REM1: variants seen among roughly 807,000 people sequenced by gnomAD.
REM1 encodes the protein GTP-binding protein REM 1.
Under a neutral mutation model 27.0 loss-of-function variants are expected in REM1, and 20 were observed. That is an observed-to-expected ratio of 0.74 (90% CI 0.52 to 1.08). The LOEUF (loss-of-function observed/expected upper bound fraction) is 1.08, where lower values mean the gene tolerates loss of function less well. REM1 is among the 50% of genes least tolerant of loss of function. The pLI, the probability that REM1 is intolerant of heterozygous loss-of-function variation, is 0.00. For missense variants in REM1, 405 were observed against 407.0 expected (o/e 1.00, Z 0.04); for synonymous variants, 159 against 167.9 (o/e 0.95, Z 0.41).
Position 31,484,285 on chromosome 20 carries a change from C to T in REM1, c.752C>T (p.Ala251Val). 2 of 1,590,426 alleles carry T rather than the reference C, an allele frequency of 1.3e-6. No individual in the cohort carries two copies. The highest frequency in any genetic ancestry group is 1.1e-5 in the South Asian group (1 of 87,952). ...RQLRLRRRDS[A>V]AKEPPAPRRP... ...CTGCGCTTGCGCCGCCGGGACAGTGCGGCCAAGGAACCCCCAGCACCCCGA... is the reference window on the plus strand; with the variant it reads ...CTGCGCTTGCGCCGCCGGGACAGTGTGGCCAAGGAACCCCCAGCACCCCGA... The change falls in exon 5 of 5, where the codon GCG becomes GTG. Residue 251 changes from alanine to valine, a missense_variant. By Grantham distance (64) the Ala-to-Val change is moderately conservative. Transcript: ENST00000201979.
chr20:31,482,315 T>C lies in REM1; in HGVS notation c.452T>C (p.Leu151Pro). 4 of 1,614,146 alleles carry C rather than the reference T, an allele frequency of 2.5e-6. No homozygotes were observed. The highest frequency in any genetic ancestry group is 3.4e-6 in the Non-Finnish European group (4 of 1,180,016). The change falls in exon 4 of 5, where the codon CTG (leucine) becomes CCG (proline). Residue 151 changes from leucine to proline, a missense_variant. By Grantham distance (98) the Leu-to-Pro change is moderately conservative. Transcript: ENST00000201979. ...LDKSWSQESC[L>P]QGGSAYVIVY... ...AAAAGCTGGAGCCAGGAGTCATGCC[T>C]GCAGGGGGGCAGTGCCTATGTCATC...
chr20:31,484,502 C>A lies in REM1; in HGVS notation c.*72C>A. On this transcript the variant is annotated 3_prime_UTR_variant, in exon 5 of 5. Transcript: ENST00000201979. ...GGGCTCCAGGGACGCCACTGCGGGG[C>A]AAAGGCGCCGTTACCTGGAGTCTGC... 7.0e-7 allele frequency: 1 copy of A among 1,421,752 alleles called. No homozygotes were observed. Among genetic ancestry groups the A allele is most frequent in the Non-Finnish European group, 9.2e-7 (1 of 1,085,112 alleles). 88.1% of individuals were successfully genotyped at this position (1,421,752 alleles called of 1,614,324 possible).
At chr20:31,480,089 CA>C (rs1274220195) in intron 3 of REM1, among the ~76,000 whole-genome samples, 2 of 150,952 alleles carry the variant, frequency 1.3e-5, no homozygotes, top group Non-Finnish European at 1.5e-5. Context: ...AACTCTGTCT[CA>C]AAAAAAATAA....
chr20:31,476,374 C>G lies in REM1; in HGVS notation c.-72C>G. On this transcript the variant is annotated 5_prime_UTR_variant, in exon 2 of 5. Coordinates refer to ENST00000201979, the MANE Select transcript of REM1 (RefSeq NM_014012.6). ...CACTATAGAAAGAAGCAGCTCAAAGCAATTGGCTGACAGCCAATTCCCCCT... is the reference window on the plus strand; with the variant it reads ...CACTATAGAAAGAAGCAGCTCAAAGGAATTGGCTGACAGCCAATTCCCCCT... The G allele has an allele frequency of 5.7e-6, 7 of 1,234,842 alleles. No homozygotes were observed. The highest frequency in any genetic ancestry group is 8.0e-6 in the Non-Finnish European group (7 of 874,400). 76.5% of individuals were successfully genotyped at this position (1,234,842 alleles called of 1,614,324 possible). A position where few individuals can be genotyped will look rare whatever the true frequency, so the allele number is the denominator to read the frequency against.
Position 31,476,064 on chromosome 20 carries a change from G to A in REM1, c.-219-163G>A, listed in dbSNP as rs546813859. On this transcript the variant is annotated intron_variant, in intron 1 of 4. Coordinates refer to ENST00000201979, the MANE Select transcript of REM1 (RefSeq NM_014012.6). ...GTGGCAAGGGCAGGTCCGTGTACAC[G>A]GAATGGGGAGTGTGCATGTGAGGAC... Among the ~76,000 whole-genome samples the A allele has an allele frequency of 2.6e-5, 4 of 152,318 alleles. No individual in the cohort carries two copies. The South Asian group carries it at 8.3e-4, about 32-fold the overall frequency.
In REM1 at chr20:31,476,477, C is replaced by A; in HGVS notation, c.32C>A (p.Thr11Asn). MTLNTEQEAKTPLHRRASTPL... is the reference protein window; with the variant it reads MTLNTEQEAKNPLHRRASTPL... ...CTCAACACCGAGCAGGAAGCAAAGA[C>A]CCCTCTGCACCGGCGAGCCAGCACC... The change falls in exon 2 of 5, where the codon ACC becomes AAC. Residue 11 changes from threonine to asparagine, a missense_variant. By Grantham distance (65) the Thr-to-Asn change is moderately conservative (BLOSUM62 0). Transcript: ENST00000201979. 2 of 1,604,658 alleles carry A rather than the reference C, an allele frequency of 1.2e-6. No individual in the cohort carries two copies. The highest frequency in any genetic ancestry group is 2.2e-5 in the East Asian group (1 of 44,768).
chr20:31,478,661 T>C (rs548790421), intron 3 of REM1, among the ~76,000 whole-genome samples: 10 of 151,950 alleles, frequency 6.6e-5, no homozygotes, highest in Non-Finnish European at 1.3e-4. Flanking sequence ...TGGGATCCCA[T>C]CTCTCTAGGG....
chr20:31,476,645 C>G lies in REM1; in HGVS notation c.200C>G (p.Ser67Cys). 1 of 1,614,088 alleles carries G rather than the reference C, an allele frequency of 6.2e-7. No homozygotes were observed. Among genetic ancestry groups the G allele is most frequent in the South Asian group, 1.1e-5 (1 of 91,070 alleles). Reference sequence around the variant, plus strand: ...CCTTCACCTGCCCCAGATGATTGGTCTTCTGAATCCAGCGACTCTGAAGGC... The same window carrying G: ...CCTTCACCTGCCCCAGATGATTGGTGTTCTGAATCCAGCGACTCTGAAGGC... ...QKPSPAPDDW[S>C]SESSDSEGSW... The change falls in exon 2 of 5, where the codon TCT becomes TGT. Residue 67 changes from serine to cysteine, a missense_variant. Physicochemically the swap from Ser to Cys is moderately radical, Grantham distance 112. Transcript: ENST00000201979.
chr20:31,478,499 TC>T (rs1298747631), intron 3 of REM1, among the ~76,000 whole-genome samples: 1 of 152,188 alleles, frequency 6.6e-6, no homozygotes, highest in East Asian at 1.9e-4. Context: ...AAAAAGGAAA[TC>T]AGGGCAGGAA....
intron 3 of REM1, 123 bp downstream of exon 3, chr20:31,478,033 C>G (rs1223068950): frequency 9.3e-6 from 6 of 646,352 alleles, no homozygotes; most frequent in Non-Finnish European, 1.7e-5. Flanking sequence ...GCACCCTCCC[C>G]CAAAACCCAC....
In REM1 at chr20:31,484,438, C is replaced by T; in HGVS notation, c.*8C>T. ...AATCTGGCCGTGCTCTGAAGCCCCCCGCCCTTCTGAGAGTTGGCGGGTCAC... is the reference window on the plus strand; with the variant it reads ...AATCTGGCCGTGCTCTGAAGCCCCCTGCCCTTCTGAGAGTTGGCGGGTCAC... On this transcript the variant is annotated 3_prime_UTR_variant, in exon 5 of 5. Transcript: ENST00000201979. The T allele has an allele frequency of 6.8e-7, 1 of 1,477,570 alleles. No homozygotes were observed. The highest frequency in any genetic ancestry group is 9.0e-7 in the Non-Finnish European group (1 of 1,112,464). The allele number at this position is 1,477,570 out of a possible 1,614,324, so 91.5% of individuals were successfully genotyped here. A position where few individuals can be genotyped will look rare whatever the true frequency, so the allele number is the denominator to read the frequency against.
rs530421491 is a variant in REM1, at chr20:31,484,439, G to A, written c.*9G>A. 1.4e-6 allele frequency: 2 copies of A among 1,475,644 alleles called. No individual in the cohort carries two copies. Among genetic ancestry groups the A allele is most frequent in the South Asian group, 2.8e-5 (2 of 71,730 alleles). The allele number at this position is 1,475,644 out of a possible 1,614,324, so 91.4% of individuals were successfully genotyped here. On this transcript the variant is annotated 3_prime_UTR_variant, in exon 5 of 5. Coordinates refer to ENST00000201979, the MANE Select transcript of REM1 (RefSeq NM_014012.6). ...ATCTGGCCGTGCTCTGAAGCCCCCC[G>A]CCCTTCTGAGAGTTGGCGGGTCACT...
rs199585581 is a variant in REM1, at chr20:31,476,430, C to G, written c.-16C>G. The stretch of plus-strand genomic sequence containing the variant: ...CAGAAGGAAAGAAGGAAGAAGCAAA[C>G]CCCCCCCTACCAAAGATGACACTCA... On this transcript the variant is annotated 5_prime_UTR_variant, in exon 2 of 5. Transcript: ENST00000201979. 7.0e-7 allele frequency: 1 copy of G among 1,426,362 alleles called. No homozygotes were observed. The highest frequency in any genetic ancestry group is 2.2e-5 in the Admixed American group (1 of 44,564). 88.4% of individuals were successfully genotyped at this position (1,426,362 alleles called of 1,614,324 possible). A position where few individuals can be genotyped will look rare whatever the true frequency, so the allele number is the denominator to read the frequency against.
At chr20:31,480,718 CA>C (rs1568763115) in intron 3 of REM1, among the ~76,000 whole-genome samples, 1 of 152,104 alleles carries the variant, frequency 6.6e-6, no homozygotes, top group African/African-American at 2.4e-5. Context: ...GCAAATCCTC[CA>C]AAAATATTTG....
At chr20:31,477,807 C>A (rs1414637724) in intron 2 of REM1, 21 bp from the exon 3 acceptor site, 1 of 1,602,960 alleles carries the variant, frequency 6.2e-7, no homozygotes, top group South Asian at 1.1e-5. Flanking sequence ...CCCTGAGATC[C>A]AGCTCTTCCC....
At chr20:31,479,245 T>C (rs1980633757) in intron 3 of REM1, among the ~76,000 whole-genome samples, 1 of 152,202 alleles carries the variant, frequency 6.6e-6, no homozygotes, top group Non-Finnish European at 1.5e-5. Context: ...AGTCATTTGC[T>C]CATTCATTCA....
chr20:31,479,336 C>T (rs1326677359), intron 3 of REM1, among the ~76,000 whole-genome samples: 1 of 152,188 alleles, frequency 6.6e-6, no homozygotes, highest in Non-Finnish European at 1.5e-5. Context: ...GGCCCTCTGG[C>T]TTCGTGGACC....
At position 31,484,219 on chromosome 20, in the gene REM1, A is replaced by C. The variant is rs1270804544; in HGVS notation, c.686A>C (p.Gln229Pro). ...TTCATCGAGACATCCGCCACGCTGC[A>C]GCACAATGTGGCCGAGCTCTTCGAG... ...CKFIETSATL[Q>P]HNVAELFEGV... The change falls in exon 5 of 5, where the codon CAG becomes CCG. Residue 229 changes from glutamine to proline, a missense_variant. Physicochemically the swap from Gln to Pro is moderately conservative, Grantham distance 76 (BLOSUM62 -1). Coordinates refer to ENST00000201979, the MANE Select transcript of REM1 (RefSeq NM_014012.6). 5 of 1,609,862 alleles carry C rather than the reference A, an allele frequency of 3.1e-6. No individual in the cohort carries two copies. The highest frequency in any genetic ancestry group is 2.2e-5 in the East Asian group (1 of 44,814).
rs1423637462 is a variant in REM1 at position 31,475,502 on chromosome 20, C to G, written c.-220+136C>G. 6.6e-6 allele frequency: 1 copy of G among 152,268 alleles called. No homozygotes were observed. Among genetic ancestry groups the G allele is most frequent in the Non-Finnish European group, 1.5e-5 (1 of 68,074 alleles). 9.4% of individuals were successfully genotyped at this position (152,268 alleles called of 1,614,324 possible). A position where few individuals can be genotyped will look rare whatever the true frequency, so the allele number is the denominator to read the frequency against. On this transcript the variant is annotated intron_variant, in intron 1 of 4. Coordinates refer to ENST00000201979, the MANE Select transcript of REM1 (RefSeq NM_014012.6). The surrounding 1 kb of genome is among the most constrained non-coding windows in gnomAD (Gnocchi z 5.0). ...CGTCCCTAGGGTGAGGGTCTTCAGA[C>G]CTGGGACCCGGAGGGCTGGATAGCC...
Sources: allele counts gnomAD v4.1 joint callset (sites outside exome capture counted in the v4.1 genomes callset), GRCh38; gene constraint gnomAD v4.1.1; non-coding constraint Gnocchi (gnomAD v3.1); transcripts MANE v1.5; gene names NCBI Gene and HGNC (gene_info 2026-07-23, HGNC 2026-07-21).